Variants in KIAA1217 observed in about 807,000 individuals in gnomAD.
KIAA1217 encodes sickle tail protein homolog.
In KIAA1217, 88 loss-of-function variants were observed where a neutral mutation model predicts 163.9. The ratio of observed to expected loss-of-function variants is 0.54; its 90% CI spans 0.45 to 0.64. The LOEUF is 0.64. KIAA1217 is among the 30% of genes least tolerant of loss of function. The pLI is 0.00. For missense variants in KIAA1217, 2,372 were observed against 2,475.0 expected, an observed-to-expected ratio of 0.96 and a Z score of 0.88; for synonymous variants, 903 against 923.1, an observed-to-expected ratio of 0.98 and a Z score of 0.39.
Position 24,174,030 on chromosome 10 carries a change from A to T in KIAA1217, c.-170-45596A>T, listed in dbSNP as rs532153560. Among the ~76,000 whole-genome samples the T allele has an allele frequency of 2.0e-4, 30 of 152,256 alleles. 1 individual carries two copies. The highest frequency in any genetic ancestry group is 1.0e-3 in the South Asian group (5 of 4,820). On this transcript the variant is annotated intron_variant, in intron 2 of 18. Coordinates refer to the KIAA1217 transcript ENST00000376462. Reference sequence around the variant, plus strand: ...TTCTCTTCCATCATGGAAATGCACCATTCTAATTCCAGTTGATCTCTGTGA... The same window carrying T: ...TTCTCTTCCATCATGGAAATGCACCTTTCTAATTCCAGTTGATCTCTGTGA...
intron 1 of KIAA1217, among the ~76,000 whole-genome samples, chr10:24,214,473 G>A (rs917820370): frequency 2.0e-5 from 3 of 152,180 alleles, no homozygotes; most frequent in Non-Finnish European, 4.4e-5. Flanking sequence ...GAGAGAGAAC[G>A]TGGAAGGTTA....
intron 1 of KIAA1217, among the ~76,000 whole-genome samples, chr10:23,962,727 CT>C (rs1287420721): frequency 2.6e-5 from 4 of 152,304 alleles, no homozygotes; most frequent in African/African-American, 9.6e-5. Flanking sequence ...GGGAAGTTAA[CT>C]GGATTGGAAA....
At chr10:24,539,185 C>T (rs1381395932) in intron 17 of KIAA1217, among the ~76,000 whole-genome samples, 1 of 151,968 alleles carries the variant, frequency 6.6e-6, no homozygotes, top group African/African-American at 2.4e-5. Context: ...CTCAAAGATC[C>T]CTCTGGAGAC....
rs569306368 is a variant in KIAA1217, at chr10:23,778,185, C to A, written c.-321+82951C>A. Among the ~76,000 whole-genome samples, 396 of 152,270 alleles carry A rather than the reference C, an allele frequency of 2.6e-3. 1 individual carries two copies. The highest frequency in any genetic ancestry group is 9.0e-3 in the African/African-American group (374 of 41,548). ...TGAACTCCTGACCTCGTGATTCCCCCCCCTTCGGCCTCCCAAAGTGTTGGG... is the reference window on the plus strand; with the variant it reads ...TGAACTCCTGACCTCGTGATTCCCCACCCTTCGGCCTCCCAAAGTGTTGGG... On this transcript the variant is annotated intron_variant, in intron 1 of 18. Transcript: ENST00000376462.
intron 1 of KIAA1217, among the ~76,000 whole-genome samples, chr10:23,956,917 A>G (rs550060688): frequency 6.6e-6 from 1 of 152,248 alleles, no homozygotes; most frequent in African/African-American, 2.4e-5. Context: ...CTCCACTTCC[A>G]AAACTGGGGA....
chr10:23,799,582 A>T (rs1836374846), intron 1 of KIAA1217, among the ~76,000 whole-genome samples: 1 of 152,198 alleles, frequency 6.6e-6, no homozygotes, highest in East Asian at 1.9e-4. Context: ...TGGATGTGAG[A>T]AAAAACAGCT....
At chr10:23,754,216 A>G (rs1217610041) in intron 1 of KIAA1217, among the ~76,000 whole-genome samples, 2 of 152,238 alleles carry the variant, frequency 1.3e-5, no homozygotes, top group African/African-American at 4.8e-5. Context: ...TGTATGAATA[A>G]CACGGGGAAG....
chr10:23,752,860 G>A (rs1296522931), intron 1 of KIAA1217, among the ~76,000 whole-genome samples: 1 of 152,138 alleles, frequency 6.6e-6, no homozygotes, highest in Non-Finnish European at 1.5e-5. Context: ...CCACAGGGCA[G>A]CCCTGTGCTA....
Position 24,513,370 on chromosome 10 carries a change from G to A in KIAA1217, c.2113G>A (p.Val705Ile), listed in dbSNP as rs367678595. The stretch of plus-strand genomic sequence containing the variant: ...GGAGGATCCCGTGCAGCGACAGCGC[G>A]TCCTAGTGGAGCAAGAGAGACAAAA... ...RLEDPVQRQR[V>I]LVEQERQKYL... The change falls in exon 10 of 21, where the codon GTC becomes ATC. Residue 705 changes from valine to isoleucine, a missense_variant. Transcript: ENST00000376454. 26 of 1,614,226 alleles carry A rather than the reference G, an allele frequency of 1.6e-5. No individual in the cohort carries two copies. The highest frequency in any genetic ancestry group is 6.7e-5 in the African/African-American group (5 of 75,072).
chr10:24,449,394 G>T, intron 5 of KIAA1217: 2 of 855,032 alleles, frequency 2.3e-6, no homozygotes, highest in Non-Finnish European at 2.8e-6. Context: ...TAAACATCAC[G>T]TGTTTCCTTG....
At chr10:24,402,528 C>CAAAAAAAAAAAAA (rs56323500) in intron 3 of KIAA1217, among the ~76,000 whole-genome samples, 1 of 77,212 alleles carries the variant, frequency 1.3e-5, no homozygotes, top group Admixed American at 1.5e-4. Context: ...AAAAACAAAA[C>CAAAAAAAAAAAAA]AAAAAAAAAA....
At chr10:23,850,098 T>C (rs1009697110) in intron 1 of KIAA1217, among the ~76,000 whole-genome samples, 5 of 152,102 alleles carry the variant, frequency 3.3e-5, no homozygotes, top group African/African-American at 1.2e-4. Flanking sequence ...TTACAACGAA[T>C]GCCTGAGAGT....
intron 13 of KIAA1217, among the ~76,000 whole-genome samples, chr10:24,525,025 A>ACCT (rs71281595): frequency 4.0e-5 from 6 of 150,634 alleles, no homozygotes; most frequent in Non-Finnish European, 5.9e-5. Context: ...AAGGTGAGAC[A>ACCT]GCAGTGTGCT....
At chr10:23,714,295 TA>T (rs2130743474) in intron 1 of KIAA1217, among the ~76,000 whole-genome samples, 1 of 152,176 alleles carries the variant, frequency 6.6e-6, no homozygotes, top group Admixed American at 6.6e-5. Context: ...AATCAAACCC[TA>T]AGAGGAATTT....
At chr10:24,024,363 T>C (rs969853071) in intron 2 of KIAA1217, among the ~76,000 whole-genome samples, 5 of 151,728 alleles carry the variant, frequency 3.3e-5, no homozygotes, top group African/African-American at 1.2e-4. Flanking sequence ...TTGTGTTTGA[T>C]TTCTTTCCCT....
chr10:23,918,063 A>G (rs1034865406), intron 1 of KIAA1217, among the ~76,000 whole-genome samples: 1 of 151,882 alleles, frequency 6.6e-6, no homozygotes, highest in Non-Finnish European at 1.5e-5. Flanking sequence ...CTCAGGGTGA[A>G]GTGCAGTGGT....
chr10:24,026,412 G>C (rs897856296), intron 2 of KIAA1217, among the ~76,000 whole-genome samples: 4 of 151,628 alleles, frequency 2.6e-5, no homozygotes, highest in Non-Finnish European at 4.4e-5. Context: ...CTTTCATCTT[G>C]GTTAGATTTT....
In KIAA1217 at chr10:24,434,537, A is replaced by G. The variant is rs1038384626; in HGVS notation, c.752+1344A>G. On this transcript the variant is annotated intron_variant, in intron 4 of 20. Coordinates refer to ENST00000376454, the MANE Select transcript of KIAA1217 (RefSeq NM_019590.5). The stretch of plus-strand genomic sequence containing the variant: ...TCTTTTGTAGAGACAGAATCTCCCT[A>G]TGTTACCCAGGCTGGTCTGAAACTC... Among the ~76,000 whole-genome samples, 15 of 152,114 alleles carry G rather than the reference A, an allele frequency of 9.9e-5. No individual in the cohort carries two copies. The South Asian group carries it at 2.9e-3, about 30-fold the overall frequency.
At chr10:23,755,188 G>A (rs1400183010) in intron 1 of KIAA1217, among the ~76,000 whole-genome samples, 1 of 152,096 alleles carries the variant, frequency 6.6e-6, no homozygotes, top group Non-Finnish European at 1.5e-5. Context: ...AGAGCAAATG[G>A]AACAAAAAAG....
Sources: gnomAD v4.1 joint callset for allele counts (sites outside exome capture counted in the v4.1 genomes callset) on GRCh38, gnomAD v4.1.1 for gene constraint, MANE v1.5 for transcripts, NCBI Gene and HGNC (gene_info 2026-07-23, HGNC 2026-07-21) for gene names.